The following MPP7 variants were observed in gnomAD, a reference collection of about 807,000 sequenced individuals.
MPP7 encodes the protein MAGUK p55 scaffold protein 7.
A neutral mutation model predicts 76.5 loss-of-function variants in MPP7; 60 were observed. The observed-to-expected ratio is 0.78, with a 90% CI of 0.64 to 0.97. The LOEUF (loss-of-function observed/expected upper bound fraction) is 0.97, where lower values mean the gene tolerates loss of function less well. Ranked by LOEUF, MPP7 falls within the 50% of genes least tolerant of loss-of-function variation. The probability of loss-of-function intolerance (pLI) is 0.00; values close to 1 mark genes in which losing one functional copy is unlikely to be tolerated. For synonymous variants in MPP7, 237 were observed against 244.5 expected, an observed-to-expected ratio of 0.97 and a Z score of 0.29; for missense variants, 641 against 694.0, an observed-to-expected ratio of 0.92 and a Z score of 0.86.
chr10:28,115,095 T>G (rs1017203431), intron 11 of MPP7, among the ~76,000 whole-genome samples: 2 of 149,534 alleles, frequency 1.3e-5, no homozygotes, highest in Non-Finnish European at 3.0e-5. Context: ...TTTGTTTGTT[T>G]TGTTTTTTGT....
intron 1 of MPP7, among the ~76,000 whole-genome samples, chr10:28,299,245 T>G (rs572025171): frequency 6.6e-6 from 1 of 152,276 alleles, no homozygotes; most frequent in South Asian, 2.1e-4. Context: ...GCTTTTTGAT[T>G]TAAAGTGGGA....
chr10:28,089,806 C>A lies in MPP7; in HGVS notation c.988G>T (p.Asp330Tyr). Residue 330 changes from aspartate (D) to tyrosine (Y), a missense_variant, in exon 12 of 17, where the codon GAT becomes TAT. Coordinates refer to ENST00000683449, the MANE Select transcript of MPP7 (RefSeq NM_001318170.2). Reference protein sequence around the residue: ...FRKSFRLSRKDKKTNKSMYEC... With the variant: ...FRKSFRLSRKYKKTNKSMYEC... ...TACATGGATTTATTTGTTTTCTTATCTTTTCTACTAAGACGAAAACTTTTT... is the reference window on the plus strand; with the variant it reads ...TACATGGATTTATTTGTTTTCTTATATTTTCTACTAAGACGAAAACTTTTT... 1 of 1,587,600 alleles carries A rather than the reference C, an allele frequency of 6.3e-7. No individual in the cohort carries two copies. The highest frequency in any genetic ancestry group is 1.3e-5 in the African/African-American group (1 of 74,348).
At chr10:28,252,382 C>T (rs1455201100) in intron 1 of MPP7, among the ~76,000 whole-genome samples, 1 of 152,206 alleles carries the variant, frequency 6.6e-6, no homozygotes, top group Non-Finnish European at 1.5e-5. Flanking sequence ...GGAATCACTG[C>T]TACAATCACT....
intron 12 of MPP7, among the ~76,000 whole-genome samples, chr10:28,072,538 T>C (rs1416088628): frequency 6.6e-6 from 1 of 152,230 alleles, no homozygotes. Flanking sequence ...TGGGCAGTCC[T>C]GCCCCTGTGG....
rs76324783 is a variant in MPP7 at position 28,232,133 on chromosome 10, C to T, written c.37+6435G>A. 4.7e-4 allele frequency among the ~76,000 whole-genome samples: 72 copies of T among 152,112 alleles called. 2 individuals are homozygous for T. The East Asian group carries it at 0.013, about 27-fold the overall frequency. ...GCACTTTGGGAGGCCAGTGGTGGGA[C>T]GATCACTTGAGCCCAGAAGTTTGAG... On this transcript the variant is annotated intron_variant, in intron 2 of 16. Coordinates refer to ENST00000683449, the MANE Select transcript of MPP7 (RefSeq NM_001318170.2).
intron 3 of MPP7, among the ~76,000 whole-genome samples, chr10:28,194,459 G>C (rs1230347110): frequency 1.3e-5 from 2 of 152,180 alleles, no homozygotes; most frequent in East Asian, 3.8e-4. Flanking sequence ...CTCAAAACTG[G>C]AAGCAATGAA....
At chr10:28,165,901 T>C (rs1485006751) in intron 3 of MPP7, among the ~76,000 whole-genome samples, 1 of 151,800 alleles carries the variant, frequency 6.6e-6, no homozygotes. Flanking sequence ...GGCGCATGCC[T>C]GTAGTCTCAG....
intron 1 of MPP7, among the ~76,000 whole-genome samples, chr10:28,274,347 C>T (rs1332370941): frequency 6.6e-6 from 1 of 151,836 alleles, no homozygotes; most frequent in Non-Finnish European, 1.5e-5. Flanking sequence ...GATCCGCCCA[C>T]CTCGGCCTCC....
chr10:28,316,432 C>T (rs1238545819), intron 2 of MPP7, among the ~76,000 whole-genome samples: 1 of 61,748 alleles, frequency 1.6e-5, no homozygotes, highest in Non-Finnish European at 2.7e-5. Flanking sequence ...AAGACTCTGT[C>T]TTTAAAAAAA....
chr10:28,078,334 G>A (rs73606044), intron 12 of MPP7, among the ~76,000 whole-genome samples: 4,588 of 152,298 alleles, frequency 0.03, 239 homozygotes, highest in African/African-American at 0.1. Flanking sequence ...CTCACTCTGT[G>A]CAGAATCTCT....
chr10:28,314,268 A>G (rs979582298), intron 2 of MPP7, among the ~76,000 whole-genome samples: 13 of 152,224 alleles, frequency 8.5e-5, no homozygotes, highest in Non-Finnish European at 7.3e-5. Flanking sequence ...GCCAAAATCC[A>G]TAGCCTCTCA....
chr10:28,262,274 TA>T (rs1488668029), intron 1 of MPP7, among the ~76,000 whole-genome samples: 32,813 of 66,890 alleles, frequency 0.49, 11,250 homozygotes, highest in Non-Finnish European at 0.6. Flanking sequence ...TATATATATA[TA>T]TATTTTTTTT....
At chr10:28,076,246 T>C (rs1003850467) in intron 12 of MPP7, among the ~76,000 whole-genome samples, 1 of 152,152 alleles carries the variant, frequency 6.6e-6, no homozygotes, top group Non-Finnish European at 1.5e-5. Flanking sequence ...TAGGGTTCCA[T>C]TGTGAATGTA....
In MPP7 at chr10:28,177,707, A is replaced by G. The variant is rs370946653; in HGVS notation, c.156+24446T>C. Among the ~76,000 whole-genome samples, 8 of 152,356 alleles carry G rather than the reference A, an allele frequency of 5.3e-5. No individual in the cohort carries two copies. In the East Asian group the frequency reaches 1.2e-3, roughly 22 times the overall value. On this transcript the variant is annotated intron_variant, in intron 3 of 16. Coordinates refer to ENST00000683449, the MANE Select transcript of MPP7 (RefSeq NM_001318170.2). ...ACTAAGATGATTTTTCAAATTAAAAATAACAGAAATGAGACAGAAGACTAG... is the reference window on the plus strand; with the variant it reads ...ACTAAGATGATTTTTCAAATTAAAAGTAACAGAAATGAGACAGAAGACTAG...
At chr10:28,163,843 G>A (rs570408155) in intron 3 of MPP7, among the ~76,000 whole-genome samples, 35 of 150,118 alleles carry the variant, frequency 2.3e-4, no homozygotes, top group East Asian at 1.6e-3. Flanking sequence ...CCCAGGAGGC[G>A]GAGATCGCAG....
intron 3 of MPP7, among the ~76,000 whole-genome samples, chr10:28,158,631 G>A (rs1564665610): frequency 6.6e-6 from 1 of 152,146 alleles, no homozygotes; most frequent in African/African-American, 2.4e-5. Context: ...AACAGAGAGA[G>A]GGAACAGTAG....
At chr10:28,146,815 C>T (rs1275023900) in intron 5 of MPP7, among the ~76,000 whole-genome samples, 3 of 152,116 alleles carry the variant, frequency 2.0e-5, no homozygotes, top group South Asian at 2.1e-4. Flanking sequence ...ATTGCCCCAG[C>T]GTCAAGTCCA....
At chr10:28,276,694 G>A (rs1428083283) in intron 1 of MPP7, among the ~76,000 whole-genome samples, 2 of 152,070 alleles carry the variant, frequency 1.3e-5, no homozygotes, top group Non-Finnish European at 1.5e-5. Context: ...GATATGAAGG[G>A]AGAAGAATCA....
chr10:28,182,268 T>A (rs1837084343), intron 3 of MPP7, among the ~76,000 whole-genome samples: 1 of 152,066 alleles, frequency 6.6e-6, no homozygotes, highest in Admixed American at 6.6e-5. Context: ...AAATATAAAC[T>A]AAAACAAGGA....
Sources: allele counts gnomAD v4.1 joint callset (sites outside exome capture counted in the v4.1 genomes callset), GRCh38; gene constraint gnomAD v4.1.1; transcripts MANE v1.5; gene names NCBI Gene and HGNC (gene_info 2026-07-23, HGNC 2026-07-21).